The following LOC128125817 variants were observed in gnomAD, a reference collection of about 807,000 sequenced individuals.
the LOC128125817 span, among the ~76,000 whole-genome samples, chr1:41,593,138 G>C: frequency 6.6e-6 from 1 of 152,122 alleles, no homozygotes; most frequent in African/African-American, 2.4e-5. Flanking sequence ...TCTTTTAAAC[G>C]AAAATTCTTA....
chr1:41,625,545 A>AAAACG, the LOC128125817 span, among the ~76,000 whole-genome samples: 7 of 152,214 alleles, frequency 4.6e-5, no homozygotes, highest in Non-Finnish European at 1.0e-4. Flanking sequence ...CATAATAAAT[A>AAAACG]TAACGTTCAT....
the LOC128125817 span, among the ~76,000 whole-genome samples, chr1:41,598,219 C>A: frequency 6.6e-5 from 10 of 152,104 alleles, no homozygotes; most frequent in Non-Finnish European, 1.5e-4. Flanking sequence ...TAAGAGAGAC[C>A]CAAATTCCAC....
At chr1:41,603,221 C>T in the LOC128125817 span, among the ~76,000 whole-genome samples, 1 of 152,220 alleles carries the variant, frequency 6.6e-6, no homozygotes, top group Admixed American at 6.5e-5. Context: ...CACGCACTGT[C>T]ATGCTCAGCT....
chr1:41,611,158 A>T, the LOC128125817 span, among the ~76,000 whole-genome samples: 2 of 152,212 alleles, frequency 1.3e-5, no homozygotes, highest in Non-Finnish European at 2.9e-5. Context: ...TTGTCCAGGG[A>T]ATTATGAGCA....
the LOC128125817 span, among the ~76,000 whole-genome samples, chr1:41,610,413 C>T: frequency 6.6e-6 from 1 of 152,258 alleles, no homozygotes; most frequent in Non-Finnish European, 1.5e-5. Context: ...GTCTCATTCA[C>T]CATTACATCC....
chr1:41,600,223 C>T, the LOC128125817 span, among the ~76,000 whole-genome samples: 3 of 152,144 alleles, frequency 2.0e-5, no homozygotes, highest in Non-Finnish European at 4.4e-5. Flanking sequence ...TGGGTATATA[C>T]TCAAAAGAAT....
At chr1:41,597,801 T>C in the LOC128125817 span, among the ~76,000 whole-genome samples, 1 of 152,170 alleles carries the variant, frequency 6.6e-6, no homozygotes, top group East Asian at 1.9e-4. Context: ...CCTGGAAAAG[T>C]ATCGACAGTG....
At chr1:41,622,426 G>A in the LOC128125817 span, among the ~76,000 whole-genome samples, 4 of 152,216 alleles carry the variant, frequency 2.6e-5, no homozygotes, top group African/African-American at 4.8e-5. Context: ...AACGGGAACA[G>A]GCTGAACTGG....
chr1:41,627,568 C>T, the LOC128125817 span, among the ~76,000 whole-genome samples: 2 of 152,180 alleles, frequency 1.3e-5, no homozygotes, highest in African/African-American at 4.8e-5. Flanking sequence ...GCTCTAGCCA[C>T]CCCGAAGTCC....
At chr1:41,605,375 GCA>G in the LOC128125817 span, among the ~76,000 whole-genome samples, 38,237 of 126,348 alleles carry the variant, frequency 0.3, 5,479 homozygotes, top group South Asian at 0.38. Context: ...ACGCACACGC[GCA>G]CACACACACA....
the LOC128125817 span, among the ~76,000 whole-genome samples, chr1:41,623,857 C>T: frequency 6.6e-6 from 1 of 151,948 alleles, no homozygotes; most frequent in Non-Finnish European, 1.5e-5. Context: ...CACTGCCTCA[C>T]ACCTTGACCT....
chr1:41,586,800 T>C, the LOC128125817 span, among the ~76,000 whole-genome samples: 1 of 152,214 alleles, frequency 6.6e-6, no homozygotes, highest in Non-Finnish European at 1.5e-5. Flanking sequence ...TCACTCCTTT[T>C]GTGTGCCTTT....
chr1:41,604,022 A>C, the LOC128125817 span, among the ~76,000 whole-genome samples: 1 of 152,388 alleles, frequency 6.6e-6, no homozygotes, highest in Middle Eastern at 3.4e-3. Flanking sequence ...TGAAGCAAAC[A>C]AAATGACGCC....
the LOC128125817 span, among the ~76,000 whole-genome samples, chr1:41,612,720 G>T: frequency 3.6e-4 from 55 of 152,276 alleles, 1 homozygote; most frequent in Non-Finnish European, 4.4e-5. Context: ...CTGAACTCAG[G>T]GGACCAGGAG....
chr1:41,621,263 C>T, the LOC128125817 span, among the ~76,000 whole-genome samples: 3 of 152,216 alleles, frequency 2.0e-5, no homozygotes, highest in Non-Finnish European at 4.4e-5. Context: ...GGACAGAGCC[C>T]TGGAATCTGC....
the LOC128125817 span, among the ~76,000 whole-genome samples, chr1:41,623,135 C>T: frequency 1.2e-4 from 19 of 152,300 alleles, 1 homozygote; most frequent in East Asian, 9.7e-4. Context: ...CAGATCCCTT[C>T]GAGCCTCCCT....
At chr1:41,598,187 C>G in the LOC128125817 span, among the ~76,000 whole-genome samples, 1 of 152,314 alleles carries the variant, frequency 6.6e-6, no homozygotes, top group East Asian at 1.9e-4. Context: ...TTGTGTCCAG[C>G]CAGTCTCTCA....
chr1:41,605,141 G>A, the LOC128125817 span, among the ~76,000 whole-genome samples: 1 of 133,648 alleles, frequency 7.5e-6, no homozygotes, highest in African/African-American at 2.7e-5. Context: ...GGAAGGGAAG[G>A]GAAGGGAAGC....
At chr1:41,614,304 G>T in the LOC128125817 span, among the ~76,000 whole-genome samples, 1 of 152,234 alleles carries the variant, frequency 6.6e-6, no homozygotes, top group Non-Finnish European at 1.5e-5. Context: ...TGAGTCTAAA[G>T]GCTCTGAGTC....
Sources: gnomAD v4.1 joint callset for allele counts (sites outside exome capture counted in the v4.1 genomes callset) on GRCh38, gnomAD v4.1.1 for gene constraint, MANE v1.5 for transcripts.